The following GALNT17 variants were observed in gnomAD, a reference collection of about 807,000 sequenced individuals.
GALNT17 encodes the protein UDP-GalNAc:polypeptide N-acetylgalactosaminyltransferase-like 3.
Under a neutral mutation model 63.7 loss-of-function variants are expected in GALNT17, and 29 were observed. The ratio of observed to expected loss-of-function variants is 0.46; its 90% CI spans 0.34 to 0.62. The LOEUF (loss-of-function observed/expected upper bound fraction) is 0.62, where lower values mean the gene tolerates loss of function less well. GALNT17 is among the 20% of genes least tolerant of loss of function. The pLI is 0.01. For missense variants in GALNT17, 603 were observed against 799.6 expected, an observed-to-expected ratio of 0.75 and a Z score of 2.97; for synonymous variants, 305 against 318.3, an observed-to-expected ratio of 0.96 and a Z score of 0.45.
chr7:71,574,447 C>G (rs1458757566), intron 6 of GALNT17, among the ~76,000 whole-genome samples: 1 of 152,298 alleles, frequency 6.6e-6, no homozygotes, highest in Non-Finnish European at 1.5e-5. Flanking sequence ...TCTTACAGTA[C>G]TTCAAGGCAT....
intron 6 of GALNT17, among the ~76,000 whole-genome samples, chr7:71,614,758 C>A: frequency 6.9e-6 from 1 of 145,834 alleles, no homozygotes; most frequent in South Asian, 2.2e-4. Flanking sequence ...GCGAAAGAAA[C>A]AGAAAGAGAA....
At chr7:71,566,474 G>T (rs1254559821) in intron 5 of GALNT17, among the ~76,000 whole-genome samples, 1 of 151,988 alleles carries the variant, frequency 6.6e-6, no homozygotes, top group Admixed American at 6.6e-5. Flanking sequence ...TGCTTGATGT[G>T]CTCAGAAACA....
chr7:71,696,165 T>G (rs1272524067), intron 9 of GALNT17, among the ~76,000 whole-genome samples: 1 of 152,210 alleles, frequency 6.6e-6, no homozygotes. Flanking sequence ...TAGGCTGGAA[T>G]GCAGTGGTGC....
At chr7:71,134,818 A>G (rs1405166743) in intron 1 of GALNT17, among the ~76,000 whole-genome samples, 1 of 129,696 alleles carries the variant, frequency 7.7e-6, no homozygotes, top group African/African-American at 2.9e-5. Flanking sequence ...GTTTAGTATC[A>G]GTTTCTTTGT....
chr7:71,234,557 C>A (rs999325724), intron 1 of GALNT17, among the ~76,000 whole-genome samples: 7 of 152,132 alleles, frequency 4.6e-5, no homozygotes, highest in African/African-American at 1.7e-4. Flanking sequence ...AGCCACCGCT[C>A]CCGACCCATT....
chr7:71,164,610 A>G (rs528320081), intron 1 of GALNT17, among the ~76,000 whole-genome samples: 8 of 152,214 alleles, frequency 5.3e-5, no homozygotes, highest in Non-Finnish European at 1.2e-4. Flanking sequence ...GACTTGCAAC[A>G]TGTGGTTCTG....
chr7:71,649,032 T>C (rs1790719584), intron 6 of GALNT17, among the ~76,000 whole-genome samples: 1 of 152,196 alleles, frequency 6.6e-6, no homozygotes, highest in Non-Finnish European at 1.5e-5. Context: ...ATCCTCTTCC[T>C]CCCATCTGCA....
intron 1 of GALNT17, among the ~76,000 whole-genome samples, chr7:71,321,231 T>A (rs962190018): frequency 6.6e-6 from 1 of 152,180 alleles, no homozygotes; most frequent in Non-Finnish European, 1.5e-5. Flanking sequence ...GCTTTATAAA[T>A]GCTAGGAGGC....
chr7:71,620,622 A>T (rs1407725910), intron 6 of GALNT17, among the ~76,000 whole-genome samples: 1 of 152,240 alleles, frequency 6.6e-6, no homozygotes, highest in East Asian at 1.9e-4. Flanking sequence ...TGCATAACGG[A>T]TATACATAGT....
chr7:71,705,696 C>A (rs576250312), intron 9 of GALNT17, among the ~76,000 whole-genome samples: 1 of 152,262 alleles, frequency 6.6e-6, no homozygotes, highest in East Asian at 1.9e-4. Flanking sequence ...CACATTAAAG[C>A]AGCACATACA....
chr7:71,357,681 T>C (rs958173617), intron 2 of GALNT17, among the ~76,000 whole-genome samples: 1 of 151,998 alleles, frequency 6.6e-6, no homozygotes, highest in Admixed American at 6.6e-5. Flanking sequence ...TCAAGGTGGG[T>C]GGATCATTTG....
At chr7:71,218,453 C>G (rs1789525856) in intron 1 of GALNT17, among the ~76,000 whole-genome samples, 1 of 152,182 alleles carries the variant, frequency 6.6e-6, no homozygotes, top group Admixed American at 6.5e-5. Context: ...ATTGCTTCCA[C>G]TCTGCTATGT....
intron 1 of GALNT17, among the ~76,000 whole-genome samples, chr7:71,224,849 C>T (rs1268062452): frequency 6.6e-6 from 1 of 152,204 alleles, no homozygotes; most frequent in Non-Finnish European, 1.5e-5. Context: ...GTTTGAGTTT[C>T]TGTTGTAGGA....
intron 5 of GALNT17, among the ~76,000 whole-genome samples, chr7:71,527,275 T>C (rs1356849276): frequency 6.6e-6 from 1 of 152,232 alleles, no homozygotes; most frequent in Non-Finnish European, 1.5e-5. Context: ...AAAACCATTA[T>C]ATACTGGCCA....
intron 1 of GALNT17, among the ~76,000 whole-genome samples, chr7:71,146,856 C>T (rs1179023265): frequency 2.0e-5 from 3 of 152,142 alleles, no homozygotes; most frequent in Admixed American, 6.5e-5. Flanking sequence ...CAGGCGACCA[C>T]GTTCAGACAC....
At chr7:71,539,638 C>T (rs1788854543) in intron 5 of GALNT17, among the ~76,000 whole-genome samples, 1 of 145,406 alleles carries the variant, frequency 6.9e-6, no homozygotes, top group Non-Finnish European at 1.5e-5. Context: ...TATTCTGTAA[C>T]TTGTTTTTTT....
chr7:71,598,380 C>T (rs1258687981), intron 6 of GALNT17, among the ~76,000 whole-genome samples: 2 of 152,222 alleles, frequency 1.3e-5, no homozygotes, highest in African/African-American at 4.8e-5. Context: ...GTGTCATTAA[C>T]ATGCTGCAGT....
chr7:71,164,054 C>T (rs181088618), intron 1 of GALNT17, among the ~76,000 whole-genome samples: 3 of 152,106 alleles, frequency 2.0e-5, no homozygotes, highest in South Asian at 2.1e-4. Context: ...AAGAGCTAAA[C>T]GGGTCCCAGG....
intron 1 of GALNT17, among the ~76,000 whole-genome samples, chr7:71,293,251 T>C (rs1028726084): frequency 6.6e-6 from 1 of 152,218 alleles, no homozygotes; most frequent in African/African-American, 2.4e-5. Context: ...GTGATAGTTC[T>C]ATTTTTAATT....
Sources: allele counts gnomAD v4.1 joint callset (sites outside exome capture counted in the v4.1 genomes callset), GRCh38; gene constraint gnomAD v4.1.1; transcripts MANE v1.5; gene names NCBI Gene and HGNC (gene_info 2026-07-23, HGNC 2026-07-21).